The following ZDHHC20 variants were observed in gnomAD, a reference collection of about 807,000 sequenced individuals.
The protein encoded by ZDHHC20 is zDHHC palmitoyltransferase 20.
In ZDHHC20, 43 loss-of-function variants were observed where a neutral mutation model predicts 57.8. The ratio of observed to expected loss-of-function variants is 0.74; its 90% CI spans 0.58 to 0.96. The LOEUF is 0.96. Among genes scored for constraint, ZDHHC20 ranks in the 40% least tolerant of loss-of-function variants. ZDHHC20 has a pLI of 0.00. For missense variants in ZDHHC20, 391 were observed against 441.1 expected, an observed-to-expected ratio of 0.89 and a Z score of 1.02; for synonymous variants, 157 against 153.0, an observed-to-expected ratio of 1.03 and a Z score of -0.19.
At chr13:21,442,973 T>C (rs527797826) in intron 1 of ZDHHC20, among the ~76,000 whole-genome samples, 230 of 152,318 alleles carry the variant, frequency 1.5e-3, no homozygotes, top group Middle Eastern at 0.014. Context: ...TCATGGACCA[T>C]CCACAGCAAG....
chr13:21,434,098 GTGTGTGTC>G (rs1327170708), intron 1 of ZDHHC20, among the ~76,000 whole-genome samples: 7 of 151,988 alleles, frequency 4.6e-5, no homozygotes, highest in African/African-American at 9.7e-5. Flanking sequence ...GTGTGTGTGT[GTGTGTGTC>G]TGTGTGTCTG....
At chr13:21,395,496 C>CT (rs201405874) in intron 7 of ZDHHC20, among the ~76,000 whole-genome samples, 20,788 of 120,474 alleles carry the variant, frequency 0.17, 2,404 homozygotes, top group Non-Finnish European at 0.26. Context: ...CTTTTCTTTT[C>CT]TTTTTTTTTT....
intron 7 of ZDHHC20, among the ~76,000 whole-genome samples, chr13:21,394,500 CAG>C (rs1566073516): frequency 6.6e-6 from 1 of 152,108 alleles, no homozygotes; most frequent in Non-Finnish European, 1.5e-5. Context: ...CCCGTTTTTT[CAG>C]AGATATACTA....
chr13:21,378,678 G>T lies in ZDHHC20; in HGVS notation c.*23C>A. The T allele has an allele frequency of 1.4e-6, 2 of 1,445,432 alleles. No homozygotes were observed. Among genetic ancestry groups the T allele is most frequent in the Admixed American group, 2.4e-5 (1 of 41,766 alleles). The allele number at this position is 1,445,432 out of a possible 1,614,324, so 89.5% of individuals were successfully genotyped here. On this transcript the variant is annotated 3_prime_UTR_variant, in exon 12 of 13. Transcript: ENST00000400590. ...TGTCTTACCTTGCTCTTATTCAAATGGTTAGTTATGAACAAGTGGTACTCA... is the reference window on the plus strand; with the variant it reads ...TGTCTTACCTTGCTCTTATTCAAATTGTTAGTTATGAACAAGTGGTACTCA...
Position 21,391,731 on chromosome 13 carries a change from T to G in ZDHHC20, c.718A>C (p.Thr240Pro). The change falls in exon 8 of 13, where the codon ACA (threonine) becomes CCA (proline). Residue 240 changes from threonine (T) to proline (P), a missense_variant. Around this residue, in one of 3 missense-constraint regions of ZDHHC20, gnomAD observed 197 missense variants for 220.8 expected, o/e 0.89. Coordinates refer to ENST00000400590, the MANE Select transcript of ZDHHC20 (RefSeq NM_001330059.2). ...YHCWLVGKNR[T>P]TIESFRAPTF... ...ATTTTAACCTACTTACCTATTGTTG[T>G]TCTATTTTTTCCAACTAGCCAGCAG... 6.2e-7 allele frequency: 1 copy of G among 1,608,798 alleles called. No individual in the cohort carries two copies. Among genetic ancestry groups the G allele is most frequent in the Non-Finnish European group, 8.5e-7 (1 of 1,179,066 alleles).
intron 1 of ZDHHC20, among the ~76,000 whole-genome samples, chr13:21,439,712 T>A (rs971486274): frequency 2.0e-5 from 3 of 152,106 alleles, no homozygotes; most frequent in Non-Finnish European, 2.9e-5. Flanking sequence ...GGCCTACAGA[T>A]TAAAGAGTAG....
intron 2 of ZDHHC20, among the ~76,000 whole-genome samples, chr13:21,424,642 C>A (rs536766375): frequency 6.7e-6 from 1 of 149,048 alleles, no homozygotes; most frequent in Non-Finnish European, 1.5e-5. Context: ...ACCTGGGAGG[C>A]GGAGCTTGCA....
chr13:21,419,360 A>G (rs1254889887), intron 3 of ZDHHC20, among the ~76,000 whole-genome samples: 1 of 152,228 alleles, frequency 6.6e-6, no homozygotes, highest in East Asian at 1.9e-4. Flanking sequence ...ACTCCTAGGC[A>G]TCTATCCAAA....
chr13:21,412,509 T>C (rs919846407), intron 4 of ZDHHC20, among the ~76,000 whole-genome samples: 1 of 151,460 alleles, frequency 6.6e-6, no homozygotes, highest in African/African-American at 2.4e-5. Flanking sequence ...AACAGAAGTA[T>C]AAAACTACTG....
At chr13:21,405,650 T>A (rs1878332888) in intron 4 of ZDHHC20, among the ~76,000 whole-genome samples, 1 of 152,168 alleles carries the variant, frequency 6.6e-6, no homozygotes, top group African/African-American at 2.4e-5. Flanking sequence ...AAAATCTTCC[T>A]TTTCCACTAC....
intron 11 of ZDHHC20, among the ~76,000 whole-genome samples, chr13:21,379,895 G>T (rs1872967150): frequency 7.0e-6 from 1 of 143,266 alleles, no homozygotes; most frequent in African/African-American, 2.6e-5. Context: ...GCTCACTGCG[G>T]GCTCCAACCC....
chr13:21,441,868 T>C (rs1428841825), intron 1 of ZDHHC20, among the ~76,000 whole-genome samples: 1 of 152,156 alleles, frequency 6.6e-6, no homozygotes, highest in Non-Finnish European at 1.5e-5. Context: ...CACACAGAAA[T>C]AGTTTTCCCT....
intron 3 of ZDHHC20, among the ~76,000 whole-genome samples, chr13:21,420,631 A>C (rs2137903304): frequency 6.6e-6 from 1 of 152,372 alleles, no homozygotes; most frequent in Admixed American, 6.5e-5. Flanking sequence ...CACTAGTCAT[A>C]TTAAAGTGCA....
intron 3 of ZDHHC20, among the ~76,000 whole-genome samples, chr13:21,414,425 A>G (rs1263670387): frequency 1.3e-5 from 2 of 149,282 alleles, no homozygotes; most frequent in Non-Finnish European, 3.0e-5. Flanking sequence ...CAGTGGAGTG[A>G]TTTCGGCTCA....
chr13:21,418,309 AAGG>A (rs1473598617), intron 3 of ZDHHC20, among the ~76,000 whole-genome samples: 1 of 152,174 alleles, frequency 6.6e-6, no homozygotes, highest in African/African-American at 2.4e-5. Flanking sequence ...GAGGAGAATG[AAGG>A]AGAAGTTGAT....
chr13:21,381,700 T>C (rs1873450280), intron 10 of ZDHHC20, among the ~76,000 whole-genome samples, 151 bp from the exon 11 acceptor site: 1 of 152,076 alleles, frequency 6.6e-6, no homozygotes, highest in Non-Finnish European at 1.5e-5. Context: ...ATCTTCAAAA[T>C]AAAAATAGGC....
chr13:21,430,112 G>C (rs1217856516), intron 1 of ZDHHC20, among the ~76,000 whole-genome samples: 2 of 151,978 alleles, frequency 1.3e-5, no homozygotes, highest in Non-Finnish European at 2.9e-5. Context: ...AGTTTTCCTG[G>C]TTCTTGGTAG....
intron 1 of ZDHHC20, among the ~76,000 whole-genome samples, chr13:21,429,813 G>A (rs1247819564): frequency 6.6e-6 from 1 of 152,054 alleles, no homozygotes; most frequent in Non-Finnish European, 1.5e-5. Flanking sequence ...CTTTTGTTCA[G>A]ATTGGGTAAT....
chr13:21,398,582 AT>A lies in ZDHHC20; in HGVS notation c.594+1790del, dbSNP rs765200867. ...TGGCATTTACATGTAAAGAAAGCTC[AT>A]TTTTTTCCCCTAGTATACCACCCTG... On this transcript the variant is annotated intron_variant, in intron 7 of 12. Coordinates refer to ENST00000400590, the MANE Select transcript of ZDHHC20 (RefSeq NM_001330059.2). Among the ~76,000 whole-genome samples, 265 of 152,272 alleles carry A rather than the reference AT, an allele frequency of 1.7e-3. 3 individuals carry two copies. The highest frequency in any genetic ancestry group is 2.8e-3 in the Non-Finnish European group (190 of 68,010).
Sources: gnomAD v4.1 joint callset for allele counts (sites outside exome capture counted in the v4.1 genomes callset) on GRCh38, gnomAD v4.1.1 for gene constraint, gnomAD v4.1.1 regional missense constraint, MANE v1.5 for transcripts, NCBI Gene and HGNC (gene_info 2026-07-23, HGNC 2026-07-21) for gene names.